Variants in EXT1 observed in about 807,000 individuals in gnomAD.
EXT1 encodes exostosin glycosyltransferase 1, also known as exostosin-1.
EXT1 carries 20 observed loss-of-function variants against 82.5 expected under a neutral mutation model. The observed-to-expected ratio is 0.24, with a 90% CI of 0.17 to 0.35. The LOEUF (loss-of-function observed/expected upper bound fraction) is 0.35, where lower values mean the gene tolerates loss of function less well. Ranked by LOEUF, EXT1 falls within the 10% of genes least tolerant of loss-of-function variation. EXT1 has a pLI of 1.00. For missense variants in EXT1, 757 were observed against 936.5 expected, an observed-to-expected ratio of 0.81 and a Z score of 2.50; for synonymous variants, 348 against 350.8, an observed-to-expected ratio of 0.99 and a Z score of 0.09.
At chr8:117,978,420 G>A (rs956535292) in intron 1 of EXT1, among the ~76,000 whole-genome samples, 1 of 152,060 alleles carries the variant, frequency 6.6e-6, no homozygotes, top group African/African-American at 2.4e-5. Context: ...CAGCCAGTAA[G>A]CACATCATCT....
chr8:118,096,412 G>A (rs911233299), intron 1 of EXT1, among the ~76,000 whole-genome samples: 2 of 151,946 alleles, frequency 1.3e-5, no homozygotes, highest in African/African-American at 2.4e-5. Context: ...CACGAGGTCG[G>A]GAGATCGAGA....
chr8:118,093,918 C>T (rs1011610101), intron 1 of EXT1, among the ~76,000 whole-genome samples: 1 of 152,238 alleles, frequency 6.6e-6, no homozygotes, highest in East Asian at 1.9e-4. Flanking sequence ...AAGAAGCCAT[C>T]AGTTGTTAGC....
intron 1 of EXT1, among the ~76,000 whole-genome samples, chr8:117,854,097 T>C (rs1341491289): frequency 1.3e-5 from 2 of 152,246 alleles, no homozygotes; most frequent in African/African-American, 4.8e-5. Flanking sequence ...AGCCCTAAGA[T>C]GACATCTTTC....
intron 4 of EXT1, among the ~76,000 whole-genome samples, chr8:117,827,278 A>G (rs1022059079): frequency 3.9e-5 from 6 of 152,212 alleles, no homozygotes; most frequent in African/African-American, 1.4e-4. Flanking sequence ...ATACATGTAG[A>G]AAGTCATTGC....
intron 1 of EXT1, among the ~76,000 whole-genome samples, chr8:117,957,677 C>T (rs1814616818): frequency 6.6e-6 from 1 of 152,260 alleles, no homozygotes; most frequent in South Asian, 2.1e-4. Context: ...CTTGCTTACA[C>T]ACCCAGCACA....
chr8:117,982,299 C>T (rs1815225401), intron 1 of EXT1, among the ~76,000 whole-genome samples: 1 of 152,154 alleles, frequency 6.6e-6, no homozygotes, highest in Non-Finnish European at 1.5e-5. Flanking sequence ...TCACAGCTAC[C>T]ACAGGACACT....
chr8:118,059,513 G>C (rs902983132), intron 1 of EXT1, among the ~76,000 whole-genome samples: 3 of 152,120 alleles, frequency 2.0e-5, no homozygotes, highest in African/African-American at 7.2e-5. Flanking sequence ...CGGCCCTGTT[G>C]AGCAGCAAGG....
chr8:117,892,095 G>A (rs144811216), intron 1 of EXT1, among the ~76,000 whole-genome samples: 2 of 152,218 alleles, frequency 1.3e-5, no homozygotes, highest in African/African-American at 4.8e-5. Flanking sequence ...GTGAGCCACC[G>A]TGCCCATTCA....
At chr8:118,105,933 A>G (rs1326574219) in intron 1 of EXT1, among the ~76,000 whole-genome samples, 2 of 152,222 alleles carry the variant, frequency 1.3e-5, no homozygotes, top group Non-Finnish European at 2.9e-5. Flanking sequence ...AGTGCATGTA[A>G]TTCAACTTAT....
chr8:117,839,020 G>C lies in EXT1; in HGVS notation c.963-1819C>G, dbSNP rs117759129. On this transcript the variant is annotated intron_variant, in intron 1 of 10. Coordinates refer to ENST00000378204, the MANE Select transcript of EXT1 (RefSeq NM_000127.3). The stretch of plus-strand genomic sequence containing the variant: ...TCCTAGTTGCAGAATTTACTTTAGG[G>C]AATGTGTGGAGGAAGAGGAAGGGCA... 5.9e-3 allele frequency among the ~76,000 whole-genome samples: 894 copies of C among 152,264 alleles called. 5 individuals carry two copies. Among genetic ancestry groups the C allele is most frequent in the Non-Finnish European group, 7.5e-3 (507 of 68,012 alleles).
chr8:118,089,068 A>C (rs1192224079), intron 1 of EXT1, among the ~76,000 whole-genome samples: 1 of 152,216 alleles, frequency 6.6e-6, no homozygotes, highest in Non-Finnish European at 1.5e-5. Flanking sequence ...CTTTTGAATA[A>C]ATGGAAAAAA....
At chr8:118,018,998 C>T (rs563314936) in intron 1 of EXT1, among the ~76,000 whole-genome samples, 41 of 151,600 alleles carry the variant, frequency 2.7e-4, no homozygotes, top group South Asian at 1.5e-3. Flanking sequence ...CTGCAATCTA[C>T]GGTTCAATAA....
Position 118,110,829 on chromosome 8 carries a change from T to C in EXT1, c.218A>G (p.Asn73Ser), listed in dbSNP as rs1265397820. The C allele has an allele frequency of 3.1e-6, 5 of 1,612,538 alleles. No individual in the cohort carries two copies. The highest frequency in any genetic ancestry group is 1.7e-4 in the Middle Eastern group (1 of 6,036). The change falls in exon 1 of 11, where the codon AAC becomes AGC. Residue 73 changes from asparagine to serine, a missense_variant. Physicochemically the swap from Asn to Ser is conservative, Grantham distance 46. Transcript: ENST00000378204. ...GGAAATGTGCACGCTGGAATCCTCGTTTTCCAATTGATCCCAAGGAACGAA... is the reference window on the plus strand; with the variant it reads ...GGAAATGTGCACGCTGGAATCCTCGCTTTCCAATTGATCCCAAGGAACGAA... ...RPFVPWDQLE[N>S]EDSSVHISPR...
At chr8:118,085,204 A>G (rs1173406140) in intron 1 of EXT1, among the ~76,000 whole-genome samples, 1 of 152,232 alleles carries the variant, frequency 6.6e-6, no homozygotes, top group South Asian at 2.1e-4. Flanking sequence ...AAGGATGCTG[A>G]GGTTATTAAA....
chr8:118,050,272 C>T (rs780571167), intron 1 of EXT1, among the ~76,000 whole-genome samples: 3 of 152,216 alleles, frequency 2.0e-5, no homozygotes, highest in Non-Finnish European at 2.9e-5. Context: ...GATACCAGCA[C>T]TGGCTGAATA....
In EXT1 at chr8:117,819,755, G is replaced by A. The variant is rs188859975; in HGVS notation, c.1457C>T (p.Ala486Val). Residue 486 changes from alanine (A) to valine (V), a missense_variant, in exon 6 of 11, where the codon GCG becomes GTG. Ala to Val is a moderately conservative substitution (Grantham distance 64, BLOSUM62 0). Around this residue, in one of 4 missense-constraint regions of EXT1, gnomAD observed 207 missense variants for 224.2 expected, o/e 0.92. Coordinates refer to ENST00000378204, the MANE Select transcript of EXT1 (RefSeq NM_000127.3). ...GGACTGAGAGACCAGGGGGGTCACC[G>A]CATGGATGACTGCAGTGAATTTGGA... ...PPSKFTAVIHAVTPLVSQSQP... is the reference protein window; with the variant it reads ...PPSKFTAVIHVVTPLVSQSQP... The A allele has an allele frequency of 1.1e-4, 174 of 1,613,412 alleles. 1 individual carries two copies. In the East Asian group the frequency reaches 3.5e-3, roughly 32 times the overall value.
Position 117,927,562 on chromosome 8 carries a change from CAAAAG to C in EXT1, c.963-90366_963-90362del, listed in dbSNP as rs371486655. On this transcript the variant is annotated intron_variant, in intron 1 of 10. Transcript: ENST00000378204. ...CCTTATCTGAAGGGATTCAGACTCT[CAAAAG>C]AGAAGATGGGCACAGGGGTACTGTC... 3.0e-4 allele frequency among the ~76,000 whole-genome samples: 46 copies of C among 151,292 alleles called. No homozygotes were observed. The East Asian group carries it at 7.6e-3, about 25-fold the overall frequency.
At chr8:118,015,858 A>C (rs1425151579) in intron 1 of EXT1, among the ~76,000 whole-genome samples, 2 of 152,222 alleles carry the variant, frequency 1.3e-5, no homozygotes, top group Non-Finnish European at 2.9e-5. Flanking sequence ...GACACAAAGA[A>C]GAGAATGCCA....
chr8:117,922,541 C>T lies in EXT1; in HGVS notation c.963-85340G>A, dbSNP rs17453183. 1.3e-3 allele frequency among the ~76,000 whole-genome samples: 201 copies of T among 152,276 alleles called. 1 individual carries two copies. Among genetic ancestry groups the T allele is most frequent in the Non-Finnish European group, 2.4e-3 (165 of 68,026 alleles). ...TCTGTCACAGTCAGTAACCGATCCA[C>T]CTTTCTTAGGATTGAGGAATTCTCC... On this transcript the variant is annotated intron_variant, in intron 1 of 10. Coordinates refer to ENST00000378204, the MANE Select transcript of EXT1 (RefSeq NM_000127.3).
Sources: allele counts gnomAD v4.1 joint callset (sites outside exome capture counted in the v4.1 genomes callset), GRCh38; gene constraint gnomAD v4.1.1; regional missense constraint gnomAD v4.1.1; transcripts MANE v1.5; gene names NCBI Gene and HGNC (gene_info 2026-07-23, HGNC 2026-07-21).